TRIO: variants seen among roughly 807,000 people sequenced by gnomAD.
TRIO encodes the protein trio Rho guanine nucleotide exchange factor, also known as triple functional domain protein.
Under a neutral mutation model 351.9 loss-of-function variants are expected in TRIO, and 58 were observed. The ratio of observed to expected loss-of-function variants is 0.16; its 90% CI spans 0.13 to 0.21. TRIO has a LOEUF of 0.21. Ranked by LOEUF, TRIO falls within the 10% of genes least tolerant of loss-of-function variation. The pLI, the probability that TRIO is intolerant of heterozygous loss-of-function variation, is 1.00. For synonymous variants in TRIO, 1,758 were observed against 1,595.7 expected (o/e 1.10, Z -2.42); for missense variants, 3,201 against 4,027.8 (o/e 0.79, Z 5.56).
chr5:14,501,595 C>G (rs1757304339), intron 53 of TRIO, among the ~76,000 whole-genome samples: 2 of 152,182 alleles, frequency 1.3e-5, no homozygotes, highest in South Asian at 4.1e-4. Flanking sequence ...TCAGGGAAGG[C>G]ACATGGAGGA....
chr5:14,507,302 C>G, intron 56 of TRIO, 42 bp downstream of exon 56: 1 of 1,605,112 alleles, frequency 6.2e-7, no homozygotes, highest in Non-Finnish European at 8.5e-7. Context: ...TCTGAGCACA[C>G]CGGCTTGGCC....
At chr5:14,393,608 C>T (rs1187425369) in intron 27 of TRIO, among the ~76,000 whole-genome samples, 1 of 152,160 alleles carries the variant, frequency 6.6e-6, no homozygotes, top group Non-Finnish European at 1.5e-5. Context: ...TCATTTAACT[C>T]TAAGCTCTGT....
chr5:14,452,250 G>A (rs931446326), intron 34 of TRIO, among the ~76,000 whole-genome samples: 3 of 152,214 alleles, frequency 2.0e-5, no homozygotes, highest in Admixed American at 6.5e-5. Context: ...TAGATTCGTC[G>A]TCTCGCCGCT....
At chr5:14,462,598 A>T (rs1753912228) in intron 35 of TRIO, among the ~76,000 whole-genome samples, 157 bp from the exon 36 acceptor site, 1 of 152,234 alleles carries the variant, frequency 6.6e-6, no homozygotes. Context: ...ATTGGGTAGC[A>T]GGAAGAGAGG....
At chr5:14,365,914 C>A (rs1744555979) in intron 15 of TRIO, among the ~76,000 whole-genome samples, 1 of 152,148 alleles carries the variant, frequency 6.6e-6, no homozygotes, top group African/African-American at 2.4e-5. Context: ...AAAGAGGCAG[C>A]CCCTCTATCA....
At chr5:14,433,248 A>G (rs1042601028) in intron 34 of TRIO, among the ~76,000 whole-genome samples, 2 of 152,252 alleles carry the variant, frequency 1.3e-5, no homozygotes, top group African/African-American at 2.4e-5. Context: ...TGGCACCCAC[A>G]TGAAGAGTTT....
chr5:14,281,426 C>G (rs1275420729), intron 3 of TRIO, among the ~76,000 whole-genome samples: 3 of 30,186 alleles, frequency 9.9e-5, no homozygotes, highest in African/African-American at 2.4e-4. Context: ...CCGTTAGAAC[C>G]CCCCCCCCCC....
intron 30 of TRIO, among the ~76,000 whole-genome samples, chr5:14,399,771 A>G (rs140120539): frequency 0.011 from 1,702 of 152,288 alleles, 39 homozygotes; most frequent in African/African-American, 0.038. Context: ...GATCCAGTGT[A>G]CTTCCATCTA....
intron 7 of TRIO, 65 bp downstream of exon 7, chr5:14,297,328 GGT>G: frequency 6.6e-7 from 1 of 1,526,526 alleles, no homozygotes; most frequent in Non-Finnish European, 8.8e-7. Flanking sequence ...CATGAATATT[GGT>G]GTGTGTGCAA....
At chr5:14,144,300 C>T (rs1787356607) in intron 1 of TRIO, among the ~76,000 whole-genome samples, 1 of 152,142 alleles carries the variant, frequency 6.6e-6, no homozygotes, top group Non-Finnish European at 1.5e-5. Context: ...CGGACTGAGC[C>T]GGGGCCGGTC....
chr5:14,201,887 G>T (rs531513284), intron 1 of TRIO, among the ~76,000 whole-genome samples: 74 of 148,342 alleles, frequency 5.0e-4, no homozygotes, highest in African/African-American at 1.8e-3. Flanking sequence ...TGAAAATTGC[G>T]TGTTCTCACT....
intron 37 of TRIO, chr5:14,466,575 T>C (rs1260939923): frequency 6.6e-6 from 1 of 152,250 alleles, no homozygotes; most frequent in African/African-American, 2.4e-5. Flanking sequence ...AAACCACCAA[T>C]GGTAACAACT....
At chr5:14,288,584 G>C (rs376764277) in intron 4 of TRIO, among the ~76,000 whole-genome samples, 1 of 151,860 alleles carries the variant, frequency 6.6e-6, no homozygotes, top group African/African-American at 2.4e-5. Flanking sequence ...GGAGAATGGC[G>C]TGAACCTGGG....
At chr5:14,331,644 G>A (rs534376093) in intron 10 of TRIO, among the ~76,000 whole-genome samples, 2 of 152,328 alleles carry the variant, frequency 1.3e-5, no homozygotes, top group East Asian at 3.9e-4. Flanking sequence ...GTCATACAGT[G>A]TAACTTCTGC....
At chr5:14,283,762 T>TAAAA (rs879876285) in intron 3 of TRIO, among the ~76,000 whole-genome samples, 2 of 151,786 alleles carry the variant, frequency 1.3e-5, no homozygotes, top group Admixed American at 6.6e-5. Flanking sequence ...CCTTTTTTTT[T>TAAAA]TAAACAAACA....
At chr5:14,170,806 G>A (rs1352003857) in intron 1 of TRIO, among the ~76,000 whole-genome samples, 4 of 152,066 alleles carry the variant, frequency 2.6e-5, no homozygotes, top group Non-Finnish European at 5.9e-5. Flanking sequence ...TGCCTGGCTC[G>A]AGATGTAATA....
intron 15 of TRIO, among the ~76,000 whole-genome samples, chr5:14,365,667 G>T (rs1169240016): frequency 6.6e-6 from 1 of 152,204 alleles, no homozygotes; most frequent in Non-Finnish European, 1.5e-5. Context: ...GTATCCCTTA[G>T]GATTCACCTT....
At chr5:14,491,763 G>A (rs1361383698) in intron 48 of TRIO, among the ~76,000 whole-genome samples, 10 of 152,200 alleles carry the variant, frequency 6.6e-5, no homozygotes, top group Non-Finnish European at 1.3e-4. Flanking sequence ...CACAGGGGCA[G>A]CGGTATAAGG....
intron 48 of TRIO, among the ~76,000 whole-genome samples, chr5:14,491,893 T>TCC (rs1421518105): frequency 6.6e-6 from 1 of 152,172 alleles, no homozygotes; most frequent in East Asian, 1.9e-4. Flanking sequence ...TGGGGACACT[T>TCC]GAGTCATGCA....
Sources: gnomAD v4.1 joint callset for allele counts (sites outside exome capture counted in the v4.1 genomes callset) on GRCh38, gnomAD v4.1.1 for gene constraint, MANE v1.5 for transcripts, NCBI Gene and HGNC (gene_info 2026-07-23, HGNC 2026-07-21) for gene names.